SLC71A2: variants seen among roughly 807,000 people sequenced by gnomAD.
SLC71A2 encodes hippocampus abundant transcript-like 1.
At chr9:94,429,331 G>A in the SLC71A2 span, 1 of 1,488,524 alleles carries the variant, frequency 6.7e-7, no homozygotes, top group South Asian at 1.3e-5. Flanking sequence ...GTTTTAGTGG[G>A]ACTTTGGGAA....
At chr9:94,434,961 A>G in the SLC71A2 span, among the ~76,000 whole-genome samples, 1 of 151,830 alleles carries the variant, frequency 6.6e-6, no homozygotes, top group Non-Finnish European at 1.5e-5. Context: ...TTCAACCACT[A>G]CCTCCTTACC....
the SLC71A2 span, among the ~76,000 whole-genome samples, chr9:94,442,695 CA>C: frequency 6.6e-6 from 1 of 150,512 alleles, no homozygotes; most frequent in Non-Finnish European, 1.5e-5. Context: ...TACTAAAATA[CA>C]AAAATTAGCC....
At chr9:94,420,059 C>T in the SLC71A2 span, among the ~76,000 whole-genome samples, 1 of 152,170 alleles carries the variant, frequency 6.6e-6, no homozygotes, top group Non-Finnish European at 1.5e-5. Context: ...CTTTTGTTCT[C>T]TGCCAGATTC....
the SLC71A2 span, chr9:94,458,300 T>A: frequency 6.3e-7 from 1 of 1,592,202 alleles, no homozygotes; most frequent in Non-Finnish European, 8.5e-7. Flanking sequence ...AGACTGGCAT[T>A]ATTTTCTTTG....
At chr9:94,440,182 C>G in the SLC71A2 span, among the ~76,000 whole-genome samples, 1 of 150,702 alleles carries the variant, frequency 6.6e-6, no homozygotes. Flanking sequence ...GAGACGGAGT[C>G]TCTCTCTGTC....
the SLC71A2 span, among the ~76,000 whole-genome samples, chr9:94,403,167 A>C: frequency 1.3e-5 from 2 of 149,968 alleles, no homozygotes; most frequent in Admixed American, 6.6e-5. Flanking sequence ...TTTCCATTTC[A>C]CTCTCGTTGC....
chr9:94,395,386 T>G, the SLC71A2 span, among the ~76,000 whole-genome samples: 1 of 151,890 alleles, frequency 6.6e-6, no homozygotes, highest in African/African-American at 2.4e-5. Flanking sequence ...TTAAATAAGT[T>G]AGCATTGTGC....
At chr9:94,385,413 G>T in the SLC71A2 span, among the ~76,000 whole-genome samples, 1 of 152,184 alleles carries the variant, frequency 6.6e-6, no homozygotes, top group African/African-American at 2.4e-5. Context: ...GTTTGAGAAA[G>T]CCCAACTTCT....
the SLC71A2 span, among the ~76,000 whole-genome samples, chr9:94,428,643 T>G: frequency 7.0e-6 from 1 of 142,582 alleles, no homozygotes; most frequent in African/African-American, 2.6e-5. Flanking sequence ...AAGGGGTACA[T>G]TTGTTTTATT....
At chr9:94,399,928 C>A in the SLC71A2 span, among the ~76,000 whole-genome samples, 11 of 151,956 alleles carry the variant, frequency 7.2e-5, no homozygotes, top group African/African-American at 2.7e-4. Flanking sequence ...GCCTCAGCCT[C>A]CCGAGTAGCT....
the SLC71A2 span, among the ~76,000 whole-genome samples, chr9:94,453,671 A>T: frequency 6.6e-6 from 1 of 152,182 alleles, no homozygotes; most frequent in African/African-American, 2.4e-5. Context: ...CAGTCATGGT[A>T]ACTGGTGAAC....
chr9:94,457,551 C>G, the SLC71A2 span, among the ~76,000 whole-genome samples: 1 of 151,958 alleles, frequency 6.6e-6, no homozygotes, highest in Non-Finnish European at 1.5e-5. Context: ...CTCCTGGCTA[C>G]AGTAACTCAG....
the SLC71A2 span, among the ~76,000 whole-genome samples, chr9:94,415,819 G>A: frequency 2.0e-5 from 3 of 152,286 alleles, 1 homozygote; most frequent in Middle Eastern, 6.8e-3. Flanking sequence ...TGCTCTGTGT[G>A]GCTGGGTTCA....
chr9:94,456,715 C>T, the SLC71A2 span, among the ~76,000 whole-genome samples: 1 of 152,200 alleles, frequency 6.6e-6, no homozygotes, highest in Admixed American at 6.5e-5. Context: ...TTACTTTATT[C>T]ACTAATTATT....
At chr9:94,387,197 T>C in the SLC71A2 span, among the ~76,000 whole-genome samples, 1 of 152,162 alleles carries the variant, frequency 6.6e-6, no homozygotes, top group Non-Finnish European at 1.5e-5. Flanking sequence ...CTATGTATGA[T>C]GTAAAAAAGT....
the SLC71A2 span, chr9:94,444,922 G>C: frequency 6.3e-7 from 1 of 1,583,118 alleles, no homozygotes; most frequent in African/African-American, 1.3e-5. Context: ...CCCCAGAGGT[G>C]TTCACCTATG....
chr9:94,447,479 C>CTTTTTTTT, the SLC71A2 span, among the ~76,000 whole-genome samples: 1 of 131,566 alleles, frequency 7.6e-6, no homozygotes, highest in African/African-American at 3.1e-5. Context: ...TGTGCCCAGC[C>CTTTTTTTT]TGTTTTTTTT....
chr9:94,452,358 A>C, the SLC71A2 span, among the ~76,000 whole-genome samples: 1 of 152,124 alleles, frequency 6.6e-6, no homozygotes, highest in Non-Finnish European at 1.5e-5. Context: ...GCACTTTGGG[A>C]GGCCAAGGCA....
chr9:94,449,235 T>C, the SLC71A2 span, among the ~76,000 whole-genome samples: 1 of 152,232 alleles, frequency 6.6e-6, no homozygotes, highest in African/African-American at 2.4e-5. Flanking sequence ...ATCGGAATCA[T>C]TCCATATTAT....
Sources: allele counts gnomAD v4.1 joint callset (sites outside exome capture counted in the v4.1 genomes callset), GRCh38; gene constraint gnomAD v4.1.1; transcripts MANE v1.5; gene names NCBI Gene and HGNC (gene_info 2026-07-23, HGNC 2026-07-21).